TSEN15: variants seen among roughly 807,000 people sequenced by gnomAD.
The protein encoded by TSEN15 is tRNA-splicing endonuclease subunit Sen15.
Under a neutral mutation model 20.5 loss-of-function variants are expected in TSEN15, and 10 were observed. The ratio of observed to expected loss-of-function variants is 0.49; its 90% confidence interval spans 0.30 to 0.83. The LOEUF is 0.83. Ranked by LOEUF, TSEN15 falls within the 40% of genes least tolerant of loss-of-function variation. TSEN15 has a pLI of 0.06. For missense variants in TSEN15, 180 were observed against 218.6 expected (o/e 0.82, Z 1.11); for synonymous variants, 72 against 80.1 (o/e 0.90, Z 0.54).
downstream of TSEN15, among the ~76,000 whole-genome samples, chr1:184,075,793 C>A (rs1462904994): frequency 6.6e-6 from 1 of 151,678 alleles, no homozygotes; most frequent in Non-Finnish European, 1.5e-5. Context: ...TAAAATTATA[C>A]TGACATTAAA....
chr1:184,052,316 C>T (rs1009695388), intron 1 of TSEN15, among the ~76,000 whole-genome samples: 1 of 152,144 alleles, frequency 6.6e-6, no homozygotes, highest in Non-Finnish European at 1.5e-5. Context: ...TTACACTTAG[C>T]CTTGGGCCCA....
At chr1:184,075,586 A>G (rs1393432143), downstream of TSEN15, among the ~76,000 whole-genome samples, 1 of 152,030 alleles carries the variant, frequency 6.6e-6, no homozygotes, top group Non-Finnish European at 1.5e-5. Context: ...TTTTCCCTCA[A>G]GGCAAACTAA....
Position 184,052,485 on chromosome 1 carries a change from C to T in TSEN15, c.135+595C>T, listed in dbSNP as rs190229653. On this transcript the variant is annotated intron_variant, in intron 1 of 4. Coordinates refer to ENST00000645668, the MANE Select transcript of TSEN15 (RefSeq NM_052965.4). ...CAAGATAGTCCTCTGCTTACTTCTGCTTGAGACATTACTGCCTTGTACAAG... is the reference window on the plus strand; with the variant it reads ...CAAGATAGTCCTCTGCTTACTTCTGTTTGAGACATTACTGCCTTGTACAAG... Among the ~76,000 whole-genome samples the T allele has an allele frequency of 1.6e-3, 240 of 152,208 alleles. 2 individuals carry two copies. Among genetic ancestry groups the T allele is most frequent in the Middle Eastern group, 0.014 (4 of 294 alleles).
At chr1:184,096,460 T>A (rs1572725644) in exon 4 of TSEN15, 1 of 152,338 alleles carries the variant, frequency 6.6e-6, no homozygotes, top group South Asian at 2.1e-4. Flanking sequence ...CAGATTTTAC[T>A]TCAAGTCTAA....
chr1:184,077,839 A>G (rs2102899680), downstream of TSEN15, among the ~76,000 whole-genome samples: 1 of 152,326 alleles, frequency 6.6e-6, no homozygotes, highest in African/African-American at 2.4e-5. Context: ...GACAACCTGA[A>G]CATATGAGGA....
intron 3 of TSEN15, chr1:184,058,028 A>G (rs1165359528): frequency 1.3e-5 from 4 of 311,320 alleles, no homozygotes; most frequent in East Asian, 8.7e-5. Flanking sequence ...ACAAGGAGCT[A>G]CTATTTGAAA....
rs972992406 is a variant in TSEN15, at chr1:184,091,309, C to A, written c.354-4381C>A. Among the ~76,000 whole-genome samples the A allele has an allele frequency of 5.3e-5, 8 of 151,596 alleles. 1 individual carries two copies. The highest frequency in any genetic ancestry group is 1.2e-4 in the African/African-American group (5 of 41,196). On this transcript the variant is annotated intron_variant, in intron 3 of 3. Coordinates refer to the TSEN15 transcript ENST00000643231. ...GCAAGTCACTTATCCTCTCTGAGCC[C>A]CAGAATATATATTTTTATATATATG...
chr1:184,072,318 A>G lies in TSEN15; in HGVS notation c.495+20A>G, dbSNP rs1650915458. The G allele has an allele frequency of 3.8e-6, 6 of 1,580,946 alleles. No homozygotes were observed. In the East Asian group the frequency reaches 1.4e-4, roughly 37 times the overall value. On this transcript the variant is annotated intron_variant, in intron 4 of 4. Coordinates refer to ENST00000645668, the MANE Select transcript of TSEN15 (RefSeq NM_052965.4). ...CCTCAGGTCAGTTTTGAGGTAACTG[A>G]CAGCAAGAAGTACAAAAAGAGGAAA...
At chr1:184,089,527 C>T (rs1285481352) in intron 3 of TSEN15, among the ~76,000 whole-genome samples, 1 of 152,124 alleles carries the variant, frequency 6.6e-6, no homozygotes, top group East Asian at 1.9e-4. Context: ...GTTTGAGAGA[C>T]TATCGGAGAT....
At chr1:184,065,688 C>T (rs909433774) in intron 3 of TSEN15, among the ~76,000 whole-genome samples, 1 of 152,184 alleles carries the variant, frequency 6.6e-6, no homozygotes, top group Non-Finnish European at 1.5e-5. Flanking sequence ...TGGGTTTTAG[C>T]TACCCTAGTG....
intron 3 of TSEN15, among the ~76,000 whole-genome samples, chr1:184,061,489 GA>G (rs1008228316): frequency 2.0e-5 from 3 of 152,038 alleles, no homozygotes; most frequent in African/African-American, 7.2e-5. Context: ...CTCTTTTATT[GA>G]AGGAGACAAA....
downstream of TSEN15, among the ~76,000 whole-genome samples, chr1:184,076,710 T>A (rs1311498717): frequency 6.6e-6 from 1 of 152,142 alleles, no homozygotes; most frequent in Non-Finnish European, 1.5e-5. Context: ...AGTGAACACA[T>A]GAATAAGAAA....
intron 3 of TSEN15, among the ~76,000 whole-genome samples, chr1:184,063,817 C>A (rs1390578581): frequency 1.3e-5 from 2 of 151,528 alleles, no homozygotes; most frequent in Admixed American, 1.3e-4. Context: ...GAAGAAAAAA[C>A]CTAATATTTT....
chr1:184,096,288 TTAGA>T (rs1235545986), exon 4 of TSEN15: 1 of 152,212 alleles, frequency 6.6e-6, no homozygotes, highest in African/African-American at 2.4e-5. Flanking sequence ...AGGGAATGTC[TTAGA>T]TAGCTGGGAG....
intron 3 of TSEN15, among the ~76,000 whole-genome samples, chr1:184,092,455 T>C (rs551590473): frequency 3.4e-4 from 52 of 152,170 alleles, no homozygotes; most frequent in Admixed American, 4.6e-4. Context: ...TGGAAGACAG[T>C]TAATGATTGA....
chr1:184,070,573 A>T (rs1490828680), intron 3 of TSEN15: 20 of 921,026 alleles, frequency 2.2e-5, no homozygotes, highest in Non-Finnish European at 2.8e-5. Context: ...TTCAAGATGG[A>T]CAGCCTATAA....
At chr1:184,092,597 A>C (rs1047069599) in intron 3 of TSEN15, among the ~76,000 whole-genome samples, 2 of 152,220 alleles carry the variant, frequency 1.3e-5, no homozygotes, top group Non-Finnish European at 2.9e-5. Context: ...TGAATGAATA[A>C]ACCTCAATTG....
intron 3 of TSEN15, among the ~76,000 whole-genome samples, chr1:184,068,337 T>G (rs1650765435): frequency 6.6e-6 from 1 of 152,180 alleles, no homozygotes; most frequent in Non-Finnish European, 1.5e-5. Flanking sequence ...TTATTACAAA[T>G]TCATTTAATG....
rs2102877298 is a variant in TSEN15, at chr1:184,054,442, T to C, written c.217+7T>C. The C allele has an allele frequency of 1.2e-6, 2 of 1,601,542 alleles. No individual in the cohort carries two copies. The highest frequency in any genetic ancestry group is 4.5e-5 in the East Asian group (2 of 44,764). On this transcript the variant is annotated splice_region_variant and intron_variant, in intron 2 of 4. Coordinates refer to ENST00000645668, the MANE Select transcript of TSEN15 (RefSeq NM_052965.4). Reference sequence around the variant, plus strand: ...TACCTGGACCTCATGGAAAGTAAGTTGTTTGTTTATATTGTTTTGTTATTG... The same window carrying C: ...TACCTGGACCTCATGGAAAGTAAGTCGTTTGTTTATATTGTTTTGTTATTG...
Sources: gnomAD v4.1 joint callset for allele counts (sites outside exome capture counted in the v4.1 genomes callset) on GRCh38, gnomAD v4.1.1 for gene constraint, MANE v1.5 for transcripts, NCBI Gene and HGNC (gene_info 2026-07-23, HGNC 2026-07-21) for gene names.